The following GABRG3 variants were observed in gnomAD, a reference collection of about 807,000 sequenced individuals.
The protein encoded by GABRG3 is gamma-aminobutyric acid receptor subunit gamma-3.
GABRG3 carries 25 observed loss-of-function variants against 48.8 expected under a neutral mutation model. The observed-to-expected ratio is 0.51, with a 90% confidence interval of 0.37 to 0.72. The LOEUF (loss-of-function observed/expected upper bound fraction) is 0.72. Ranked by LOEUF, GABRG3 falls within the 30% of genes least tolerant of loss-of-function variation. GABRG3 has a pLI of 0.00. For synonymous variants in GABRG3, 227 were observed against 217.6 expected (o/e 1.04, Z -0.38); for missense variants, 394 against 577.9 (o/e 0.68, Z 3.26).
At chr15:27,257,039 A>G (rs551522277) in intron 3 of GABRG3, among the ~76,000 whole-genome samples, 3 of 152,274 alleles carry the variant, frequency 2.0e-5, no homozygotes, top group Non-Finnish European at 4.4e-5. Flanking sequence ...CCCATCAACA[A>G]TGCACTAGGG....
At chr15:27,193,372 C>A (rs1271177263) in intron 3 of GABRG3, among the ~76,000 whole-genome samples, 1 of 151,586 alleles carries the variant, frequency 6.6e-6, no homozygotes, top group Non-Finnish European at 1.5e-5. Flanking sequence ...TGGGCTCCAC[C>A]CAGTTCTAGC....
chr15:27,198,797 C>T (rs549168657), intron 3 of GABRG3, among the ~76,000 whole-genome samples: 22 of 152,236 alleles, frequency 1.4e-4, no homozygotes, highest in South Asian at 2.1e-4. Flanking sequence ...ATATATACAC[C>T]GTGGAATACT....
intron 3 of GABRG3, among the ~76,000 whole-genome samples, chr15:27,289,226 G>C (rs1162383605): frequency 6.7e-6 from 1 of 149,772 alleles, no homozygotes; most frequent in African/African-American, 2.5e-5. Flanking sequence ...GTTTGTATTT[G>C]TACATTATTT....
intron 6 of GABRG3, among the ~76,000 whole-genome samples, chr15:27,495,720 C>T (rs759653180): frequency 2.2e-4 from 33 of 152,154 alleles, no homozygotes; most frequent in Admixed American, 1.5e-3. Flanking sequence ...TTTGCTGAGA[C>T]TCTCTATTTG....
chr15:27,271,041 A>T (rs1891068352), intron 3 of GABRG3, among the ~76,000 whole-genome samples: 1 of 152,078 alleles, frequency 6.6e-6, no homozygotes, highest in East Asian at 1.9e-4. Context: ...GAGGATTGTT[A>T]TTTGTTGTGA....
intron 5 of GABRG3, among the ~76,000 whole-genome samples, chr15:27,479,516 A>G (rs72707656): frequency 0.063 from 9,656 of 152,320 alleles, 346 homozygotes; most frequent in Middle Eastern, 0.15. Flanking sequence ...AGGGAAAAAA[A>G]TGAAGAAGGC....
At chr15:27,048,330 G>C (rs1896399578) in intron 3 of GABRG3, among the ~76,000 whole-genome samples, 1 of 152,124 alleles carries the variant, frequency 6.6e-6, no homozygotes, top group Non-Finnish European at 1.5e-5. Flanking sequence ...GAATCTCTGG[G>C]CAAATGCAAG....
chr15:26,978,249 T>C (rs1894988802), intron 2 of GABRG3, among the ~76,000 whole-genome samples: 1 of 152,134 alleles, frequency 6.6e-6, no homozygotes, highest in Non-Finnish European at 1.5e-5. Flanking sequence ...ATATCCTAGG[T>C]ATGATCCTTT....
intron 2 of GABRG3, among the ~76,000 whole-genome samples, chr15:26,992,770 C>T (rs1044049222): frequency 2.6e-5 from 4 of 151,920 alleles, no homozygotes; most frequent in Non-Finnish European, 4.4e-5. Context: ...TTTTTAGGAA[C>T]AGTTTGAGTA....
chr15:27,515,758 C>T (rs1257020344), intron 6 of GABRG3, among the ~76,000 whole-genome samples: 2 of 152,250 alleles, frequency 1.3e-5, no homozygotes, highest in South Asian at 2.1e-4. Flanking sequence ...ATAGTATACT[C>T]TGGGAATAAT....
chr15:27,029,922 G>A (rs572028589), intron 3 of GABRG3, among the ~76,000 whole-genome samples: 160 of 152,164 alleles, frequency 1.1e-3, no homozygotes, highest in Non-Finnish European at 2.0e-3. Flanking sequence ...TCACATTGCC[G>A]AGTGCATCAC....
At chr15:27,186,817 C>T (rs1016139212) in intron 3 of GABRG3, among the ~76,000 whole-genome samples, 1 of 152,116 alleles carries the variant, frequency 6.6e-6, no homozygotes, top group African/African-American at 2.4e-5. Context: ...TTAATCTTTG[C>T]CCATTTTTCA....
intron 5 of GABRG3, among the ~76,000 whole-genome samples, chr15:27,392,539 C>A (rs955870903): frequency 1.1e-4 from 17 of 152,168 alleles, no homozygotes; most frequent in African/African-American, 4.1e-4. Flanking sequence ...ACCTTAAACA[C>A]CTGGCTGAGG....
chr15:27,181,842 C>T (rs1887942126), intron 3 of GABRG3, among the ~76,000 whole-genome samples: 1 of 152,026 alleles, frequency 6.6e-6, no homozygotes, highest in Admixed American at 6.6e-5. Flanking sequence ...TTATTCCTGT[C>T]AAACTCTACC....
intron 3 of GABRG3, among the ~76,000 whole-genome samples, chr15:27,203,058 T>C (rs185749303): frequency 4.7e-5 from 7 of 150,464 alleles, no homozygotes; most frequent in African/African-American, 1.5e-4. Flanking sequence ...TTCCAACTTT[T>C]ATTTTAGGTT....
intron 3 of GABRG3, among the ~76,000 whole-genome samples, chr15:27,240,221 A>T (rs1046238949): frequency 1.3e-5 from 2 of 152,032 alleles, no homozygotes; most frequent in African/African-American, 4.8e-5. Flanking sequence ...AATGAACTAG[A>T]CTCAGCTCAT....
At chr15:27,011,181 T>G (rs1031522914) in intron 2 of GABRG3, among the ~76,000 whole-genome samples, 3 of 152,186 alleles carry the variant, frequency 2.0e-5, no homozygotes, top group African/African-American at 7.2e-5. Context: ...ACTGAGATTC[T>G]TATTCTTACT....
chr15:27,238,311 G>T (rs967749685), intron 3 of GABRG3, among the ~76,000 whole-genome samples: 7 of 152,216 alleles, frequency 4.6e-5, no homozygotes, highest in Admixed American at 1.3e-4. Flanking sequence ...GGGCCCTAAC[G>T]CCCACCGGCC....
chr15:27,388,183 GGAGGGAGGGT>G (rs1896044546), intron 5 of GABRG3, among the ~76,000 whole-genome samples: 1 of 65,464 alleles, frequency 1.5e-5, no homozygotes. Flanking sequence ...AGGAAAGGAG[GGAGGGAGGGT>G]AAGGAAGGAA....
Sources: allele counts gnomAD v4.1 joint callset (sites outside exome capture counted in the v4.1 genomes callset), GRCh38; gene constraint gnomAD v4.1.1; transcripts MANE v1.5; gene names NCBI Gene and HGNC (gene_info 2026-07-23, HGNC 2026-07-21).